SLC22A15: variants seen among roughly 807,000 people sequenced by gnomAD.
SLC22A15 encodes the protein solute carrier family 22 member 15.
In SLC22A15, 45 loss-of-function variants were observed where a neutral mutation model predicts 62.7. The observed-to-expected ratio is 0.72, with a 90% CI of 0.56 to 0.92. The LOEUF is 0.92. SLC22A15 is among the 40% of genes least tolerant of loss of function. The probability of loss-of-function intolerance (pLI) is 0.00; values close to 1 mark genes in which losing one functional copy is unlikely to be tolerated. For missense variants in SLC22A15, 622 were observed against 665.6 expected, an observed-to-expected ratio of 0.93 and a Z score of 0.72; for synonymous variants, 264 against 267.0, an observed-to-expected ratio of 0.99 and a Z score of 0.11.
chr1:115,977,315 C>T (rs1277292714), intron 1 of SLC22A15, among the ~76,000 whole-genome samples: 2 of 152,200 alleles, frequency 1.3e-5, no homozygotes, highest in African/African-American at 2.4e-5. Flanking sequence ...TGGGCTGAGA[C>T]TCCCGTGAGC....
intron 5 of SLC22A15, chr1:116,027,461 T>C (rs1314663046): frequency 4.3e-6 from 2 of 465,376 alleles, no homozygotes; most frequent in Non-Finnish European, 8.8e-6. Context: ...ACATTGACTC[T>C]GGAAGAGTCT....
At chr1:116,063,020 G>A in intron 9 of SLC22A15, 138 bp downstream of exon 9, 1 of 1,118,956 alleles carries the variant, frequency 8.9e-7, no homozygotes, top group Non-Finnish European at 1.3e-6. Flanking sequence ...GCAGTTTAGG[G>A]TGAGAGCTTG....
intron 1 of SLC22A15, among the ~76,000 whole-genome samples, chr1:115,981,975 G>A (rs1654632147): frequency 6.6e-6 from 1 of 152,248 alleles, no homozygotes. Context: ...TGACCCATCA[G>A]TCTCTACTGT....
chr1:116,027,648 G>A (rs2452547), intron 5 of SLC22A15, among the ~76,000 whole-genome samples: 6,657 of 151,320 alleles, frequency 0.044, 188 homozygotes, highest in African/African-American at 0.07. Flanking sequence ...TTTTTGAGAC[G>A]GAGTTTCGCC....
intron 8 of SLC22A15, among the ~76,000 whole-genome samples, chr1:116,058,149 G>A (rs1658272675): frequency 6.6e-6 from 1 of 151,686 alleles, no homozygotes; most frequent in Non-Finnish European, 1.5e-5. Flanking sequence ...CTTCTACATA[G>A]CAAAAGGCAC....
chr1:115,992,271 A>G (rs1655183674), intron 2 of SLC22A15, 28 bp downstream of exon 2: 16 of 1,519,844 alleles, frequency 1.1e-5, no homozygotes, highest in Non-Finnish European at 1.4e-5. Flanking sequence ...CAATCACTAA[A>G]TAAATGTCTC....
In SLC22A15 at chr1:116,067,107, G is replaced by A. The variant is rs769353932; in HGVS notation, c.1643G>A (p.Ter548=). 38 of 1,609,352 alleles carry A rather than the reference G, an allele frequency of 2.4e-5. No homozygotes were observed. Among genetic ancestry groups the A allele is most frequent in the African/African-American group, 2.7e-5 (2 of 74,856 alleles). ...GATGAAGAGACTCAGATGATCAAGT[G>A]AAGAGCCCCAGATTCCCCCTAAGAA... is the stretch of plus-strand genomic sequence containing the variant. ...DADEETQMIK[*] The change falls in exon 12 of 12, where the codon TGA becomes TAA. Residue 548 remains the stop codon, a stop_retained_variant. Coordinates refer to ENST00000369503, the MANE Select transcript of SLC22A15 (RefSeq NM_018420.3).
At chr1:116,008,869 T>C (rs1011680613) in intron 2 of SLC22A15, among the ~76,000 whole-genome samples, 1 of 152,158 alleles carries the variant, frequency 6.6e-6, no homozygotes, top group African/African-American at 2.4e-5. Flanking sequence ...CTGTGAGTGG[T>C]GTCAGCGTCT....
chr1:116,062,689 CA>C, intron 8 of SLC22A15, 72 bp from the exon 9 acceptor site: 1 of 1,579,824 alleles, frequency 6.3e-7, no homozygotes, highest in Non-Finnish European at 8.7e-7. Context: ...CCTGCTCCAT[CA>C]AAATGAAATG....
chr1:116,068,288 A>G lies in SLC22A15; in HGVS notation c.*1180A>G, dbSNP rs1310510321. ...AAATAGGAATATAAACCTGGAGTCAACAAGCTTAGGCAGCATTGATTTAGG... is the reference window on the plus strand; with the variant it reads ...AAATAGGAATATAAACCTGGAGTCAGCAAGCTTAGGCAGCATTGATTTAGG... On this transcript the variant is annotated 3_prime_UTR_variant, in exon 12 of 12. Coordinates refer to ENST00000369503, the MANE Select transcript of SLC22A15 (RefSeq NM_018420.3). 1.3e-5 allele frequency: 2 copies of G among 152,660 alleles called. No individual in the cohort carries two copies. The highest frequency in any genetic ancestry group is 2.9e-5 in the Non-Finnish European group (2 of 68,042). The allele number at this position is 152,660 out of a possible 1,614,324, so 9.5% of individuals were successfully genotyped here. A position where few individuals can be genotyped will look rare whatever the true frequency, so the allele number is the denominator to read the frequency against.
chr1:116,060,154 C>A (rs1658341782), intron 8 of SLC22A15, among the ~76,000 whole-genome samples: 1 of 152,146 alleles, frequency 6.6e-6, no homozygotes, highest in Non-Finnish European at 1.5e-5. Context: ...ACAAACAGCC[C>A]AGCAGCCCCA....
intron 9 of SLC22A15, among the ~76,000 whole-genome samples, chr1:116,064,219 T>G (rs1315636785): frequency 6.6e-6 from 1 of 151,962 alleles, no homozygotes; most frequent in East Asian, 1.9e-4. Flanking sequence ...AAGCACTCAG[T>G]AGTGCTTGTG....
At chr1:116,008,556 C>T (rs972145483) in intron 2 of SLC22A15, among the ~76,000 whole-genome samples, 5 of 152,176 alleles carry the variant, frequency 3.3e-5, no homozygotes, top group African/African-American at 1.2e-4. Flanking sequence ...ATTCCAGTGC[C>T]TCTCTGGGCC....
rs898809960 is a variant in SLC22A15, at chr1:116,045,719, A to G, written c.1171+8331A>G. Among the ~76,000 whole-genome samples the G allele has an allele frequency of 3.0e-4, 43 of 141,316 alleles. 1 individual carries two copies. Among genetic ancestry groups the G allele is most frequent in the Non-Finnish European group, 1.5e-5 (1 of 65,016 alleles). 92.7% of individuals were successfully genotyped at this position (141,316 alleles called of 152,430 possible). On this transcript the variant is annotated intron_variant, in intron 8 of 11. Coordinates refer to ENST00000369503, the MANE Select transcript of SLC22A15 (RefSeq NM_018420.3). ...GTGCTACTGCACTCCAGCCTGGGCT[A>G]CAGAGTGAGACTCCATCTCAAAAAA...
At chr1:116,059,611 T>C (rs901847045) in intron 8 of SLC22A15, among the ~76,000 whole-genome samples, 1 of 152,212 alleles carries the variant, frequency 6.6e-6, no homozygotes, top group Non-Finnish European at 1.5e-5. Context: ...TTTGTGTGTA[T>C]ATGCTTTTTA....
chr1:116,022,293 T>C (rs894831311), intron 4 of SLC22A15, among the ~76,000 whole-genome samples: 2 of 152,136 alleles, frequency 1.3e-5, no homozygotes, highest in Admixed American at 6.5e-5. Flanking sequence ...ATTGAGACTT[T>C]AGGGTCATTT....
chr1:115,976,584 C>T lies in SLC22A15; in HGVS notation c.-44C>T. The T allele has an allele frequency of 1.4e-6, 2 of 1,470,658 alleles. No homozygotes were observed. The highest frequency in any genetic ancestry group is 1.8e-6 in the Non-Finnish European group (2 of 1,086,278). The allele number at this position is 1,470,658 out of a possible 1,614,324, so 91.1% of individuals were successfully genotyped here. A position where few individuals can be genotyped will look rare whatever the true frequency, so the allele number is the denominator to read the frequency against. On this transcript the variant is annotated 5_prime_UTR_variant, in exon 1 of 12. Coordinates refer to ENST00000369503, the MANE Select transcript of SLC22A15 (RefSeq NM_018420.3). ...GCCGCGCTGGGCGGGAGGGCAGCGC[C>T]TGAGAGGGCGGTGGGGTGGCGGGGT...
chr1:116,064,129 T>A (rs1379539778), intron 9 of SLC22A15, among the ~76,000 whole-genome samples: 1 of 152,208 alleles, frequency 6.6e-6, no homozygotes, highest in Non-Finnish European at 1.5e-5. Flanking sequence ...GTTACTGGCT[T>A]CATGTAGCTA....
chr1:116,064,637 T>G, intron 10 of SLC22A15, 129 bp downstream of exon 10: 1 of 672,664 alleles, frequency 1.5e-6, no homozygotes, highest in Non-Finnish European at 2.7e-6. Flanking sequence ...ACCTTGGCCC[T>G]TTTAGATAGT....
Sources: allele counts gnomAD v4.1 joint callset (sites outside exome capture counted in the v4.1 genomes callset), GRCh38; gene constraint gnomAD v4.1.1; transcripts MANE v1.5; gene names NCBI Gene and HGNC (gene_info 2026-07-23, HGNC 2026-07-21).